Variants in NRCAM observed in about 807,000 individuals in gnomAD.
The protein encoded by NRCAM is NgCAM-related cell adhesion molecule.
Under a neutral mutation model 156.5 loss-of-function variants are expected in NRCAM, and 83 were observed. The ratio of observed to expected loss-of-function variants is 0.53; its 90% CI spans 0.44 to 0.64. The LOEUF (loss-of-function observed/expected upper bound fraction) is 0.64. Ranked by LOEUF, NRCAM falls within the 30% of genes least tolerant of loss-of-function variation. The pLI is 0.00. For synonymous variants in NRCAM, 538 were observed against 563.9 expected (o/e 0.95, Z 0.65); for missense variants, 1,417 against 1,597.3 (o/e 0.89, Z 1.92).
In NRCAM at chr7:108,252,397, T is replaced by C. The variant is rs974774112; in HGVS notation, c.-106-12227A>G. Among the ~76,000 whole-genome samples, 12 of 152,202 alleles carry C rather than the reference T, an allele frequency of 7.9e-5. No individual in the cohort carries two copies. In the South Asian group the frequency reaches 2.1e-3, roughly 26 times the overall value. On this transcript the variant is annotated intron_variant, in intron 3 of 32. Transcript: ENST00000379028. ...CTTCGAGAATTTTAAATAAGACTAT[T>C]GTAGGCCCTTGCTAGAGTATAAAAC...
chr7:108,155,099 T>TAC (rs1430907685), intron 32 of NRCAM, among the ~76,000 whole-genome samples: 87 of 89,982 alleles, frequency 9.7e-4, no homozygotes, highest in Middle Eastern at 6.1e-3. Flanking sequence ...TATATATATA[T>TAC]ATACACACAC....
chr7:108,374,554 G>A (rs528403764), intron 2 of NRCAM, among the ~76,000 whole-genome samples: 25 of 152,190 alleles, frequency 1.6e-4, no homozygotes, highest in African/African-American at 3.6e-4. Flanking sequence ...TCATTTCTGC[G>A]TTTTCTCAAA....
intron 3 of NRCAM, among the ~76,000 whole-genome samples, chr7:108,255,500 T>A: frequency 6.6e-6 from 1 of 152,156 alleles, no homozygotes; most frequent in East Asian, 1.9e-4. Flanking sequence ...TGCAGTGGCG[T>A]GATCTCGGCT....
chr7:108,340,718 T>C (rs2099266860), intron 2 of NRCAM, among the ~76,000 whole-genome samples: 2 of 152,174 alleles, frequency 1.3e-5, no homozygotes, highest in African/African-American at 4.8e-5. Context: ...ATGTCCACTA[T>C]AACACAGGGT....
intron 2 of NRCAM, among the ~76,000 whole-genome samples, chr7:108,362,340 T>C (rs946987124): frequency 6.6e-6 from 1 of 152,192 alleles, no homozygotes; most frequent in Non-Finnish European, 1.5e-5. Flanking sequence ...CCCCACTTCC[T>C]AATATCATCA....
At position 108,390,473 on chromosome 7, in the gene NRCAM, A is replaced by T. The variant is rs573408174; in HGVS notation, c.-174+8963T>A. Among the ~76,000 whole-genome samples, 11 of 151,460 alleles carry T rather than the reference A, an allele frequency of 7.3e-5. No homozygotes were observed. In the South Asian group the frequency reaches 2.3e-3, roughly 32 times the overall value. ...TTGATTCTTCTCTCTTTTCTTCTTTATTAGTCTTGCTAGCAGTCTATCAAT... is the reference window on the plus strand; with the variant it reads ...TTGATTCTTCTCTCTTTTCTTCTTTTTTAGTCTTGCTAGCAGTCTATCAAT... On this transcript the variant is annotated intron_variant, in intron 2 of 32. Coordinates refer to ENST00000379028, the MANE Select transcript of NRCAM (RefSeq NM_001037132.4).
rs569560917 is a variant in NRCAM, at chr7:108,269,295, C to T, written c.-106-29125G>A. Among the ~76,000 whole-genome samples, 59 of 152,208 alleles carry T rather than the reference C, an allele frequency of 3.9e-4. 1 individual carries two copies. In the South Asian group the frequency reaches 0.012, roughly 32 times the overall value. ...CCTTTTGTCTCAGGTTTCAACAGGA[C>T]TTGGCAAGGAGTTGCTTTAGACTAT... is the stretch of plus-strand genomic sequence containing the variant. On this transcript the variant is annotated intron_variant, in intron 3 of 32. Transcript: ENST00000379028.
intron 3 of NRCAM, among the ~76,000 whole-genome samples, chr7:108,299,114 A>AAAAAAAAAAGAAAG: frequency 1.2e-4 from 3 of 25,526 alleles, no homozygotes; most frequent in Admixed American, 7.2e-4. Flanking sequence ...TCAAAAAAAA[A>AAAAAAAAAAGAAAG]AAAGAAAGAA....
At chr7:108,416,981 G>A (rs909096007) in intron 1 of NRCAM, among the ~76,000 whole-genome samples, 6 of 152,184 alleles carry the variant, frequency 3.9e-5, no homozygotes, top group African/African-American at 1.4e-4. Flanking sequence ...ATATTCTCCA[G>A]AGAGATTCCT....
chr7:108,396,045 C>T (rs2099775919), intron 2 of NRCAM, among the ~76,000 whole-genome samples: 1 of 152,196 alleles, frequency 6.6e-6, no homozygotes, highest in Non-Finnish European at 1.5e-5. Flanking sequence ...CCCCACAGCA[C>T]TCACCCCTTA....
chr7:108,211,790 AC>A (rs2084630550), intron 11 of NRCAM, among the ~76,000 whole-genome samples: 2 of 151,504 alleles, frequency 1.3e-5, no homozygotes, highest in Non-Finnish European at 1.5e-5. Context: ...ACCTAGCCCT[AC>A]CCCCACCTGA....
chr7:108,381,446 C>G (rs868823466), intron 2 of NRCAM, among the ~76,000 whole-genome samples: 37 of 152,034 alleles, frequency 2.4e-4, no homozygotes, highest in African/African-American at 8.2e-4. Flanking sequence ...CAAAAAGGGC[C>G]TTCACTGTGT....
chr7:108,285,514 G>A (rs2098060776), intron 3 of NRCAM, among the ~76,000 whole-genome samples: 1 of 152,174 alleles, frequency 6.6e-6, no homozygotes, highest in Non-Finnish European at 1.5e-5. Flanking sequence ...TTGCTCAGAG[G>A]AGACAATGGA....
At chr7:108,172,812 C>T (rs1451701618) in intron 28 of NRCAM, among the ~76,000 whole-genome samples, 1 of 151,948 alleles carries the variant, frequency 6.6e-6, no homozygotes, top group Admixed American at 6.6e-5. Flanking sequence ...GTTTATAATC[C>T]TTTTGTAATT....
At chr7:108,455,201 C>A (rs1272353822) in intron 1 of NRCAM, among the ~76,000 whole-genome samples, 1 of 152,180 alleles carries the variant, frequency 6.6e-6, no homozygotes, top group African/African-American at 2.4e-5. Flanking sequence ...TACTGCGACA[C>A]CCCGTCCCCC....
intron 1 of NRCAM, among the ~76,000 whole-genome samples, chr7:108,446,945 G>T (rs535194307): frequency 1.3e-5 from 2 of 151,894 alleles, no homozygotes; most frequent in African/African-American, 2.4e-5. Context: ...GGCCAGGCTG[G>T]TCTCAAATTC....
intron 1 of NRCAM, among the ~76,000 whole-genome samples, chr7:108,414,721 A>C (rs979865914): frequency 7.2e-5 from 11 of 152,198 alleles, no homozygotes; most frequent in Admixed American, 3.3e-4. Context: ...AGAGAAGAGG[A>C]AAACCATCAG....
chr7:108,269,826 A>T (rs892123187), intron 3 of NRCAM, among the ~76,000 whole-genome samples: 2 of 152,234 alleles, frequency 1.3e-5, no homozygotes, highest in African/African-American at 4.8e-5. Context: ...TTCATCCTGT[A>T]GCTACAGGAC....
At chr7:108,294,216 T>C (rs2098404747) in intron 3 of NRCAM, among the ~76,000 whole-genome samples, 1 of 144,752 alleles carries the variant, frequency 6.9e-6, no homozygotes, top group Non-Finnish European at 1.5e-5. Flanking sequence ...TTTTTTTTTT[T>C]TTTTCCTTTT....
Sources: allele counts gnomAD v4.1 joint callset (sites outside exome capture counted in the v4.1 genomes callset), GRCh38; gene constraint gnomAD v4.1.1; transcripts MANE v1.5; gene names NCBI Gene and HGNC (gene_info 2026-07-23, HGNC 2026-07-21).